Variants in ZNF516 observed in about 807,000 individuals in gnomAD.
ZNF516 encodes the protein zinc finger protein 516.
In ZNF516, 19 loss-of-function variants were observed where a neutral mutation model predicts 79.7. That is an observed-to-expected ratio of 0.24 (90% CI 0.17 to 0.35). ZNF516 has a LOEUF of 0.35. Ranked by LOEUF, ZNF516 falls within the 10% of genes least tolerant of loss-of-function variation. The probability of loss-of-function intolerance (pLI) is 1.00; values close to 1 mark genes in which losing one functional copy is unlikely to be tolerated. For synonymous variants in ZNF516, 877 were observed against 739.5 expected, an observed-to-expected ratio of 1.19 and a Z score of -3.02; for missense variants, 1,678 against 1,679.5, an observed-to-expected ratio of 1.00 and a Z score of 0.02.
chr18:76,466,953 G>C (rs1913511882), intron 1 of ZNF516, among the ~76,000 whole-genome samples: 1 of 152,214 alleles, frequency 6.6e-6, no homozygotes, highest in African/African-American at 2.4e-5. Context: ...TGGTTCTGCA[G>C]CCTCACAGGG....
chr18:76,442,558 G>T lies in ZNF516; in HGVS notation c.497C>A (p.Ala166Asp). 2 of 1,598,880 alleles carry T rather than the reference G, an allele frequency of 1.3e-6. No homozygotes were observed. Among genetic ancestry groups the T allele is most frequent in the East Asian group, 2.2e-5 (1 of 44,870 alleles). Residue 166 changes from alanine to aspartate, a missense_variant, in exon 3 of 7, where the codon GCC (alanine) becomes GAC (aspartate). By Grantham distance (126) the Ala-to-Asp change is moderately radical (BLOSUM62 -2). This residue lies in a region of ZNF516 where 279 missense variants were observed against 254.1 expected (regional missense o/e 1.10). Transcript: ENST00000443185. ...SKKGAEGSAC[A>D]PGEAKAAVQC... ...GACCGCTGCCTTGGCCTCCCCCGGG[G>T]CGCATGCGGACCCCTCTGCCCCCTT...
At chr18:76,441,138 G>C in intron 3 of ZNF516, 107 bp downstream of exon 3, 2 of 1,428,900 alleles carry the variant, frequency 1.4e-6, no homozygotes, top group South Asian at 1.4e-5. Flanking sequence ...AGGGCCACCG[G>C]GTAAGGGGCT....
At chr18:76,475,700 G>C (rs1351352676) in intron 1 of ZNF516, among the ~76,000 whole-genome samples, 3 of 152,088 alleles carry the variant, frequency 2.0e-5, no homozygotes, top group African/African-American at 4.8e-5. Flanking sequence ...TCCATGCTCT[G>C]GCCACACTGG....
intron 3 of ZNF516, among the ~76,000 whole-genome samples, chr18:76,423,557 A>C (rs1176595773): frequency 6.7e-6 from 1 of 149,392 alleles, no homozygotes; most frequent in African/African-American, 2.5e-5. Flanking sequence ...AAACACACGC[A>C]GGTGAAAAGG....
intron 2 of ZNF516, among the ~76,000 whole-genome samples, chr18:76,461,697 A>C (rs756164973): frequency 6.6e-6 from 1 of 152,246 alleles, no homozygotes; most frequent in Non-Finnish European, 1.5e-5. Context: ...TGACAAATTC[A>C]AGATCCCTTC....
intron 3 of ZNF516, 84 bp downstream of exon 3, chr18:76,441,161 T>C (rs1250713634): frequency 2.7e-6 from 4 of 1,494,016 alleles, no homozygotes; most frequent in Non-Finnish European, 3.6e-6. Flanking sequence ...TGAGCGAGCC[T>C]ACTTGAGTAT....
At chr18:76,368,699 C>G (rs1323753782) in intron 6 of ZNF516, among the ~76,000 whole-genome samples, 1 of 152,122 alleles carries the variant, frequency 6.6e-6, no homozygotes, top group African/African-American at 2.4e-5. Flanking sequence ...ATAAGTACAT[C>G]TTTTCTATAT....
rs757514196 is a variant in ZNF516, at chr18:76,379,305, C to A, written c.2809G>T (p.Ala937Ser). The A allele has an allele frequency of 6.2e-7, 1 of 1,606,740 alleles. No homozygotes were observed. Among genetic ancestry groups the A allele is most frequent in the Non-Finnish European group, 8.5e-7 (1 of 1,176,296 alleles). Reference sequence around the variant, plus strand: ...GCCGAGGGCTGCGCGCCAGCCCGGGCGATGACGGTGGGCGTAGGGGTGGCG... The same window carrying A: ...GCCGAGGGCTGCGCGCCAGCCCGGGAGATGACGGTGGGCGTAGGGGTGGCG... ...RSATPTPTVI[A>S]RAGAQPSANS... Residue 937 changes from alanine (A) to serine (S), a missense_variant, in exon 4 of 7, where the codon GCC becomes TCC. Physicochemically the swap from Ala to Ser is moderately conservative, Grantham distance 99 (BLOSUM62 1). Coordinates refer to ENST00000443185, the MANE Select transcript of ZNF516 (RefSeq NM_014643.4).
At chr18:76,401,200 C>T (rs768553734) in intron 3 of ZNF516, among the ~76,000 whole-genome samples, 7 of 151,454 alleles carry the variant, frequency 4.6e-5, no homozygotes, top group Admixed American at 1.3e-4. Flanking sequence ...TTGCAACCTC[C>T]GGCATAAATG....
chr18:76,366,222 T>TG (rs2074609505), intron 6 of ZNF516, among the ~76,000 whole-genome samples: 1 of 152,248 alleles, frequency 6.6e-6, no homozygotes, highest in Non-Finnish European at 1.5e-5. Context: ...CAGATTTACC[T>TG]GGCCCTCGTG....
chr18:76,492,463 G>A (rs976825472), intron 1 of ZNF516: 1 of 707,648 alleles, frequency 1.4e-6, no homozygotes. Context: ...CACTGGCCAC[G>A]AGCGCTTCAC....
At chr18:76,424,516 G>A (rs1436322563) in intron 3 of ZNF516, among the ~76,000 whole-genome samples, 1 of 118,836 alleles carries the variant, frequency 8.4e-6, no homozygotes, top group Non-Finnish European at 1.7e-5. Flanking sequence ...GTTCCCCCAT[G>A]AAACACATGC....
At chr18:76,491,633 CCCT>C (rs981770662) in intron 1 of ZNF516, 20 of 687,296 alleles carry the variant, frequency 2.9e-5, no homozygotes, top group Non-Finnish European at 3.2e-5. Flanking sequence ...CCGCCCACGG[CCCT>C]CCTCCTGGCA....
chr18:76,445,921 G>A (rs1470270812), intron 2 of ZNF516, among the ~76,000 whole-genome samples: 1 of 152,252 alleles, frequency 6.6e-6, no homozygotes, highest in African/African-American at 2.4e-5. Flanking sequence ...TTTCAGAGCA[G>A]CAGCTCCTGG....
At chr18:76,404,928 A>G (rs1464217003) in intron 3 of ZNF516, among the ~76,000 whole-genome samples, 1 of 152,152 alleles carries the variant, frequency 6.6e-6, no homozygotes, top group Non-Finnish European at 1.5e-5. Flanking sequence ...CCCTGCAGAC[A>G]GGAGAGTCCT....
chr18:76,483,198 C>T lies in ZNF516; in HGVS notation c.-272+11946G>A, dbSNP rs148404490. 3.6e-3 allele frequency among the ~76,000 whole-genome samples: 552 copies of T among 152,276 alleles called. 1 individual carries two copies. The highest frequency in any genetic ancestry group is 6.8e-3 in the Non-Finnish European group (460 of 68,018). Reference sequence around the variant, plus strand: ...CTGGAGAAGGCAGGCGGGGTGGAGACTCCTCCAGGAGGTGTTTAATAATCT... The same window carrying T: ...CTGGAGAAGGCAGGCGGGGTGGAGATTCCTCCAGGAGGTGTTTAATAATCT... On this transcript the variant is annotated intron_variant, in intron 1 of 6. Coordinates refer to ENST00000443185, the MANE Select transcript of ZNF516 (RefSeq NM_014643.4).
intron 3 of ZNF516, among the ~76,000 whole-genome samples, chr18:76,440,892 G>A (rs1322779310): frequency 6.6e-6 from 1 of 152,216 alleles, no homozygotes; most frequent in East Asian, 1.9e-4. Context: ...GCTCAGGTGA[G>A]ACCATCAACC....
chr18:76,398,606 A>ATGAAGGAATGGGGGCCTTTC (rs71172332), intron 3 of ZNF516, among the ~76,000 whole-genome samples: 1 of 152,184 alleles, frequency 6.6e-6, no homozygotes, highest in African/African-American at 2.4e-5. Context: ...AACACTAGTT[A>ATGAAGGAATGGGGGCCTTTC]TGAAGGAATG....
chr18:76,397,472 A>T (rs768612793), intron 3 of ZNF516, among the ~76,000 whole-genome samples: 1 of 145,090 alleles, frequency 6.9e-6, no homozygotes, highest in Non-Finnish European at 1.5e-5. Context: ...CAAGATGTTT[A>T]TTCTACTTTT....
Sources: gnomAD v4.1 joint callset for allele counts (sites outside exome capture counted in the v4.1 genomes callset) on GRCh38, gnomAD v4.1.1 for gene constraint, gnomAD v4.1.1 regional missense constraint, MANE v1.5 for transcripts, NCBI Gene and HGNC (gene_info 2026-07-23, HGNC 2026-07-21) for gene names.